BTC: variants seen among roughly 807,000 people sequenced by gnomAD.
BTC encodes probetacellulin.
Under a neutral mutation model 18.1 loss-of-function variants are expected in BTC, and 13 were observed. That is an observed-to-expected ratio of 0.72 (90% CI 0.47 to 1.14). The LOEUF is 1.14. Ranked by LOEUF, BTC falls within the 50% of genes most tolerant of loss-of-function variation. The pLI, the probability that BTC is intolerant of heterozygous loss-of-function variation, is 0.00. For missense variants in BTC, 247 were observed against 224.2 expected (o/e 1.10, Z -0.65); for synonymous variants, 83 against 79.4 (o/e 1.05, Z -0.24).
In BTC at chr4:74,773,896, GCCA is replaced by G. The variant is rs141116154; in HGVS notation, c.65-3743_65-3741del. 3.3e-3 allele frequency among the ~76,000 whole-genome samples: 502 copies of G among 152,244 alleles called. 2 individuals are homozygous for G. The highest frequency in any genetic ancestry group is 0.011 in the African/African-American group (471 of 41,530). On this transcript the variant is annotated intron_variant, in intron 1 of 5. Coordinates refer to ENST00000395743, the MANE Select transcript of BTC (RefSeq NM_001729.4). The stretch of plus-strand genomic sequence containing the variant: ...CAAAGTGCTAGGATTACAGGCATGA[GCCA>G]CCAAGCCCGGCCCGACACACAAATC...
chr4:74,782,092 T>C (rs774321267), intron 1 of BTC, among the ~76,000 whole-genome samples: 1 of 152,154 alleles, frequency 6.6e-6, no homozygotes, highest in Non-Finnish European at 1.5e-5. Flanking sequence ...TTCAGGTATA[T>C]TTCCAGCCCT....
At chr4:74,759,917 G>A (rs940327900) in intron 2 of BTC, among the ~76,000 whole-genome samples, 1 of 152,156 alleles carries the variant, frequency 6.6e-6, no homozygotes, top group Non-Finnish European at 1.5e-5. Context: ...TCAATTTGAC[G>A]GATGTTTTGA....
intron 4 of BTC, among the ~76,000 whole-genome samples, chr4:74,748,528 T>G (rs1724359525): frequency 6.6e-6 from 1 of 151,318 alleles, no homozygotes; most frequent in Admixed American, 6.6e-5. Context: ...AGAGTGAGAC[T>G]CCGTCACAAA....
intron 2 of BTC, among the ~76,000 whole-genome samples, chr4:74,756,749 G>A (rs1724611791): frequency 6.6e-6 from 1 of 152,224 alleles, no homozygotes; most frequent in African/African-American, 2.4e-5. Flanking sequence ...TGCTCTGAAG[G>A]AGGAGGAAAA....
chr4:74,766,298 T>G (rs1724901262), intron 2 of BTC, among the ~76,000 whole-genome samples: 1 of 152,108 alleles, frequency 6.6e-6, no homozygotes, highest in South Asian at 2.1e-4. Context: ...ATAATTAACT[T>G]TAACTTACTG....
intron 1 of BTC, among the ~76,000 whole-genome samples, chr4:74,773,966 AG>A: frequency 6.8e-6 from 1 of 147,744 alleles, no homozygotes; most frequent in South Asian, 2.2e-4. Flanking sequence ...ATGATAATGC[AG>A]AAGTAATAGG....
At chr4:74,769,414 T>C (rs1197874589) in intron 2 of BTC, among the ~76,000 whole-genome samples, 1 of 152,118 alleles carries the variant, frequency 6.6e-6, no homozygotes, top group Non-Finnish European at 1.5e-5. Context: ...GAGCCAAGCC[T>C]ATTCATTTGC....
chr4:74,765,401 C>A (rs887392270), intron 2 of BTC, among the ~76,000 whole-genome samples: 2 of 151,824 alleles, frequency 1.3e-5, no homozygotes, highest in African/African-American at 4.8e-5. Context: ...AATCAGCAAA[C>A]TTAAAGACAG....
At chr4:74,786,296 C>T (rs10009741) in intron 1 of BTC, among the ~76,000 whole-genome samples, 25,592 of 152,148 alleles carry the variant, frequency 0.17, 3,407 homozygotes, top group African/African-American at 0.38. Flanking sequence ...AAGTGGTTCT[C>T]GCCTATTCTA....
intron 1 of BTC, among the ~76,000 whole-genome samples, chr4:74,783,799 T>C (rs913956921): frequency 1.3e-5 from 2 of 152,038 alleles, no homozygotes; most frequent in African/African-American, 2.4e-5. Context: ...CTTCGAGCAG[T>C]GGTTTGCAGT....
In BTC at chr4:74,773,511, A is replaced by G. The variant is rs558972925; in HGVS notation, c.65-3355T>C. ...AATGAATATTTATTAAGCATGATGTATTTGACACTGGTGCAAGACTCAAGA... is the reference window on the plus strand; with the variant it reads ...AATGAATATTTATTAAGCATGATGTGTTTGACACTGGTGCAAGACTCAAGA... On this transcript the variant is annotated intron_variant, in intron 1 of 5. Coordinates refer to ENST00000395743, the MANE Select transcript of BTC (RefSeq NM_001729.4). Among the ~76,000 whole-genome samples the G allele has an allele frequency of 2.6e-5, 4 of 152,310 alleles. No homozygotes were observed. In the South Asian group the frequency reaches 8.3e-4, roughly 32 times the overall value.
intron 1 of BTC, 79 bp downstream of exon 1, chr4:74,794,183 T>A: frequency 6.6e-7 from 1 of 1,525,502 alleles, no homozygotes; most frequent in Non-Finnish European, 8.9e-7. Context: ...AGATGCCAGC[T>A]CGGTTCAGGG....
chr4:74,775,530 A>G (rs1355748699), intron 1 of BTC, among the ~76,000 whole-genome samples: 1 of 151,982 alleles, frequency 6.6e-6, no homozygotes, highest in East Asian at 1.9e-4. Context: ...CTAACTCTCA[A>G]CTCCCCAGAA....
chr4:74,767,133 C>T (rs967686489), intron 2 of BTC, among the ~76,000 whole-genome samples: 1 of 151,498 alleles, frequency 6.6e-6, no homozygotes, highest in African/African-American at 2.4e-5. Flanking sequence ...ATAATTTCAT[C>T]TCTGTTTGAA....
At chr4:74,759,605 G>A (rs1303764597) in intron 2 of BTC, among the ~76,000 whole-genome samples, 1 of 150,748 alleles carries the variant, frequency 6.6e-6, no homozygotes, top group Non-Finnish European at 1.5e-5. Flanking sequence ...CACTTTAATG[G>A]AGATAAAGTA....
intron 1 of BTC, among the ~76,000 whole-genome samples, chr4:74,780,752 T>C (rs1393030572): frequency 6.6e-6 from 1 of 152,248 alleles, no homozygotes; most frequent in East Asian, 1.9e-4. Context: ...TATTCCAAGA[T>C]GAGGACCATA....
At chr4:74,748,298 C>G (rs1206321533) in intron 4 of BTC, 149 bp from the exon 5 acceptor site, 1 of 469,150 alleles carries the variant, frequency 2.1e-6, no homozygotes, top group African/African-American at 2.0e-5. Flanking sequence ...CCTGTAATCC[C>G]AGCACTTTGG....
intron 3 of BTC, among the ~76,000 whole-genome samples, chr4:74,753,913 A>G (rs888053400): frequency 3.3e-5 from 5 of 152,228 alleles, no homozygotes; most frequent in Admixed American, 2.0e-4. Flanking sequence ...AACTTTAAAA[A>G]TTATGAAACA....
At chr4:74,780,123 T>G (rs1434054585) in intron 1 of BTC, among the ~76,000 whole-genome samples, 1 of 152,166 alleles carries the variant, frequency 6.6e-6, no homozygotes, top group African/African-American at 2.4e-5. Flanking sequence ...ACAATGGCCT[T>G]CTTGGTGTGT....
Sources: allele counts gnomAD v4.1 joint callset (sites outside exome capture counted in the v4.1 genomes callset), GRCh38; gene constraint gnomAD v4.1.1; transcripts MANE v1.5; gene names NCBI Gene and HGNC (gene_info 2026-07-23, HGNC 2026-07-21).